The following MAPK8 variants were observed in gnomAD, a reference collection of about 807,000 sequenced individuals.
The protein encoded by MAPK8 is mitogen-activated protein kinase 8, also known as JUN N-terminal kinase.
A neutral mutation model predicts 52.9 loss-of-function variants in MAPK8; 13 were observed. The ratio of observed to expected loss-of-function variants is 0.25; its 90% CI spans 0.16 to 0.39. The LOEUF (loss-of-function observed/expected upper bound fraction) is 0.39, where lower values mean the gene tolerates loss of function less well. MAPK8 is among the 10% of genes least tolerant of loss of function. The pLI, the probability that MAPK8 is intolerant of heterozygous loss-of-function variation, is 1.00. For synonymous variants in MAPK8, 191 were observed against 169.8 expected (o/e 1.12, Z -0.97); for missense variants, 300 against 519.2 (o/e 0.58, Z 4.10).
intron 1 of MAPK8, among the ~76,000 whole-genome samples, chr10:48,330,140 A>G (rs1375757263): frequency 6.6e-6 from 1 of 152,210 alleles, no homozygotes; most frequent in Admixed American, 6.5e-5. Flanking sequence ...TGAGGACTAG[A>G]GTACTGATAA....
rs954145069 is a variant in MAPK8, at chr10:48,401,589, T to G, written c.-49-23T>G. On this transcript the variant is annotated intron_variant, in intron 1 of 11. Coordinates refer to ENST00000374189, the MANE Select transcript of MAPK8 (RefSeq NM_001323329.2). ...TTAAAACAAGTTCATTTTGTTAACA[T>G]CATGTTTTGTTGCATCTTGCAGCTT... 2.6e-6 allele frequency: 4 copies of G among 1,528,312 alleles called. No individual in the cohort carries two copies. In the South Asian group the frequency reaches 4.6e-5, roughly 18 times the overall value. The allele number at this position is 1,528,312 out of a possible 1,614,324, so 94.7% of individuals were successfully genotyped here.
intron 5 of MAPK8, among the ~76,000 whole-genome samples, chr10:48,416,313 G>A (rs1404914913): frequency 6.6e-6 from 1 of 152,178 alleles, no homozygotes; most frequent in Non-Finnish European, 1.5e-5. Flanking sequence ...GCTTGGAAGT[G>A]ACACACATGA....
At chr10:48,387,545 C>A (rs551511761) in intron 1 of MAPK8, among the ~76,000 whole-genome samples, 5 of 152,096 alleles carry the variant, frequency 3.3e-5, no homozygotes, top group South Asian at 4.1e-4. Flanking sequence ...CTGGAAGCCT[C>A]ATTTTTAAAC....
At position 48,438,026 on chromosome 10, in the gene MAPK8, A is replaced by G. The variant is rs1160035953; in HGVS notation, c.*2997A>G. 7.9e-5 allele frequency: 12 copies of G among 152,262 alleles called. No homozygotes were observed. Among genetic ancestry groups the G allele is most frequent in the African/African-American group, 2.4e-5 (1 of 41,476 alleles). The allele number at this position is 152,262 out of a possible 1,614,324, so 9.4% of individuals were successfully genotyped here. ...TTTACACTATTGGCCAGTATCTGCT[A>G]AACATATGAAGACTTAACTATTCAG... On this transcript the variant is annotated 3_prime_UTR_variant, in exon 12 of 12. Coordinates refer to ENST00000374189, the MANE Select transcript of MAPK8 (RefSeq NM_001323329.2).
At chr10:48,367,668 C>T (rs1015619710) in intron 1 of MAPK8, among the ~76,000 whole-genome samples, 1 of 152,066 alleles carries the variant, frequency 6.6e-6, no homozygotes, top group Non-Finnish European at 1.5e-5. Context: ...AATCTGTAAA[C>T]TTGATGTTTC....
rs78309481 is a variant in MAPK8 at position 48,340,831 on chromosome 10, C to G, written c.-50+34010C>G. On this transcript the variant is annotated intron_variant, in intron 1 of 11. Transcript: ENST00000374189. ...TCTATTCTCTGAATCTCTCTCTTCTCTCTATACTGCCCTACAAATTCTAGT... is the reference window on the plus strand; with the variant it reads ...TCTATTCTCTGAATCTCTCTCTTCTGTCTATACTGCCCTACAAATTCTAGT... 1.9e-3 allele frequency among the ~76,000 whole-genome samples: 288 copies of G among 152,378 alleles called. 3 individuals carry two copies. The highest frequency in any genetic ancestry group is 6.8e-3 in the Middle Eastern group (2 of 294).
chr10:48,413,816 TATA>T (rs2042897470), intron 5 of MAPK8, among the ~76,000 whole-genome samples: 1 of 7,320 alleles, frequency 1.4e-4, no homozygotes, highest in Non-Finnish European at 2.7e-4. Context: ...CCAGAATTGT[TATA>T]TATATATATA....
At chr10:48,396,050 A>G (rs1278387882) in intron 1 of MAPK8, among the ~76,000 whole-genome samples, 1 of 152,124 alleles carries the variant, frequency 6.6e-6, no homozygotes, top group Non-Finnish European at 1.5e-5. Flanking sequence ...ATCTAGGGCC[A>G]GGTGAACATT....
At chr10:48,428,491 A>G (rs1027177910) in intron 10 of MAPK8, among the ~76,000 whole-genome samples, 7 of 152,196 alleles carry the variant, frequency 4.6e-5, no homozygotes, top group African/African-American at 1.2e-4. Context: ...AGGTATAAAC[A>G]TGAATAAGTG....
intron 1 of MAPK8, among the ~76,000 whole-genome samples, chr10:48,373,049 C>T (rs368824884): frequency 2.6e-5 from 4 of 152,198 alleles, no homozygotes; most frequent in East Asian, 1.9e-4. Context: ...TGGCAGAAAC[C>T]CTACAAGCCA....
intron 1 of MAPK8, among the ~76,000 whole-genome samples, chr10:48,321,785 G>T (rs530619696): frequency 8.4e-4 from 128 of 152,134 alleles, no homozygotes; most frequent in Non-Finnish European, 1.5e-3. Flanking sequence ...TTACCAAATT[G>T]TCTTGGGCAT....
intron 1 of MAPK8, among the ~76,000 whole-genome samples, chr10:48,394,701 G>A (rs186164036): frequency 3.2e-4 from 48 of 151,784 alleles, no homozygotes; most frequent in African/African-American, 1.0e-3. Context: ...ACTTCTATTC[G>A]GCATTGTATG....
intron 5 of MAPK8, among the ~76,000 whole-genome samples, chr10:48,412,124 G>A (rs2042789468): frequency 6.6e-6 from 1 of 152,182 alleles, no homozygotes; most frequent in Non-Finnish European, 1.5e-5. Context: ...GGGATTACAG[G>A]CGTGAACCAC....
intron 5 of MAPK8, among the ~76,000 whole-genome samples, chr10:48,415,482 C>A (rs930315527): frequency 2.2e-4 from 33 of 152,268 alleles, no homozygotes; most frequent in African/African-American, 7.9e-4. Context: ...ATATGTTAAT[C>A]GGATTAGTTC....
rs79971882 is a variant in MAPK8, at chr10:48,337,091, G to A, written c.-50+30270G>A. On this transcript the variant is annotated intron_variant, in intron 1 of 11. Coordinates refer to ENST00000374189, the MANE Select transcript of MAPK8 (RefSeq NM_001323329.2). ...CACCGCAGAAAACTAACAAATTCTC[G>A]ACTTAAATTGAAGTTTTGACCAAAT... Among the ~76,000 whole-genome samples, 102 of 152,140 alleles carry A rather than the reference G, an allele frequency of 6.7e-4. 1 individual carries two copies. The East Asian group carries it at 0.017, about 26-fold the overall frequency.
At chr10:48,341,921 G>A (rs1845314129) in intron 1 of MAPK8, among the ~76,000 whole-genome samples, 1 of 152,226 alleles carries the variant, frequency 6.6e-6, no homozygotes, top group Non-Finnish European at 1.5e-5. Flanking sequence ...AGCAATCTAG[G>A]CTGAGGGAAA....
At chr10:48,322,638 C>T (rs914720275) in intron 1 of MAPK8, among the ~76,000 whole-genome samples, 1 of 152,122 alleles carries the variant, frequency 6.6e-6, no homozygotes, top group Non-Finnish European at 1.5e-5. Flanking sequence ...CACATGCCCC[C>T]ACCCTCACAC....
At chr10:48,396,497 A>G (rs1010667649) in intron 1 of MAPK8, among the ~76,000 whole-genome samples, 3 of 152,200 alleles carry the variant, frequency 2.0e-5, no homozygotes, top group Admixed American at 6.5e-5. Context: ...TTGCTGGTGG[A>G]AGTGCAAAAT....
Position 48,372,880 on chromosome 10 carries a change from G to A in MAPK8, c.-49-28732G>A, listed in dbSNP as rs140579019. Among the ~76,000 whole-genome samples the A allele has an allele frequency of 3.6e-3, 542 of 151,892 alleles. 5 individuals carry two copies. Among genetic ancestry groups the A allele is most frequent in the African/African-American group, 0.012 (516 of 41,448 alleles). Reference sequence around the variant, plus strand: ...GCAACATTCAAATTCAGGAAAATACGGAGAACACCACAAAGATATTCCTCG... The same window carrying A: ...GCAACATTCAAATTCAGGAAAATACAGAGAACACCACAAAGATATTCCTCG... On this transcript the variant is annotated intron_variant, in intron 1 of 11. Coordinates refer to ENST00000374189, the MANE Select transcript of MAPK8 (RefSeq NM_001323329.2).
Sources: allele counts gnomAD v4.1 joint callset (sites outside exome capture counted in the v4.1 genomes callset), GRCh38; gene constraint gnomAD v4.1.1; transcripts MANE v1.5; gene names NCBI Gene and HGNC (gene_info 2026-07-23, HGNC 2026-07-21).